Variants in SYCP2L observed in about 807,000 individuals in gnomAD.
SYCP2L encodes synaptonemal complex protein 2 like, also known as synaptonemal complex protein 2-like.
SYCP2L carries 98 observed loss-of-function variants against 125.8 expected under a neutral mutation model. The observed-to-expected ratio is 0.78, with a 90% CI of 0.66 to 0.92. The LOEUF is 0.92. Among genes scored for constraint, SYCP2L ranks in the 40% least tolerant of loss-of-function variants. The probability of loss-of-function intolerance (pLI) is 0.00; values close to 1 mark genes in which losing one functional copy is unlikely to be tolerated. For synonymous variants in SYCP2L, 317 were observed against 325.4 expected, an observed-to-expected ratio of 0.97 and a Z score of 0.28; for missense variants, 842 against 936.4, an observed-to-expected ratio of 0.90 and a Z score of 1.32.
At chr6:10,958,940 T>G in intron 26 of SYCP2L, 65 bp downstream of exon 26, 5 of 1,388,744 alleles carry the variant, frequency 3.6e-6, no homozygotes, top group Non-Finnish European at 4.1e-6. Context: ...GTTTATCTCA[T>G]GACCACTGTG....
intron 23 of SYCP2L, among the ~76,000 whole-genome samples, chr6:10,948,379 A>C (rs1781353318): frequency 6.6e-6 from 1 of 152,102 alleles, no homozygotes. Flanking sequence ...CCACCCTTCT[A>C]TGCTAAGTGA....
chr6:10,914,078 C>A (rs565041897), intron 14 of SYCP2L, among the ~76,000 whole-genome samples: 1 of 152,270 alleles, frequency 6.6e-6, no homozygotes, highest in Non-Finnish European at 1.5e-5. Flanking sequence ...GGTGATCCGT[C>A]CACCTTGGCC....
chr6:10,918,747 GA>G (rs1561687131), intron 14 of SYCP2L, among the ~76,000 whole-genome samples: 1 of 152,092 alleles, frequency 6.6e-6, no homozygotes, highest in African/African-American at 2.4e-5. Context: ...TGTTGGCCAG[GA>G]TGGTCTCAAT....
Position 10,906,183 on chromosome 6 carries a change from A to T in SYCP2L, c.676+129A>T, listed in dbSNP as rs1441376411. On this transcript the variant is annotated intron_variant, in intron 9 of 29. Transcript: ENST00000283141. ...GATAGGAATCAGGGTTTTATTTTAA[A>T]TTTATTTTGAGAGATTTTAGCATGC... The T allele has an allele frequency of 1.6e-5, 9 of 548,050 alleles. No homozygotes were observed. The Admixed American group carries it at 1.7e-4, about 11-fold the overall frequency. 33.9% of individuals were successfully genotyped at this position (548,050 alleles called of 1,614,324 possible).
At chr6:10,923,175 A>G (rs1207883587) in intron 14 of SYCP2L, among the ~76,000 whole-genome samples, 2 of 151,798 alleles carry the variant, frequency 1.3e-5, no homozygotes, top group Non-Finnish European at 2.9e-5. Context: ...ATTTGTGGCC[A>G]TTAGCTTTGC....
intron 23 of SYCP2L, among the ~76,000 whole-genome samples, chr6:10,949,304 A>G (rs1781368563): frequency 6.6e-6 from 1 of 152,102 alleles, no homozygotes; most frequent in Admixed American, 6.6e-5. Context: ...ACATTTTGAT[A>G]TTAGTGCTTT....
At chr6:10,967,544 C>T (rs1238773982) in intron 29 of SYCP2L, among the ~76,000 whole-genome samples, 2 of 149,320 alleles carry the variant, frequency 1.3e-5, no homozygotes, top group Admixed American at 6.7e-5. Flanking sequence ...GGATATCATA[C>T]ATGCAAGGAT....
At chr6:10,931,645 A>G (rs1780997972) in intron 20 of SYCP2L, among the ~76,000 whole-genome samples, 156 bp downstream of exon 20, 9 of 152,224 alleles carry the variant, frequency 5.9e-5, no homozygotes. Flanking sequence ...TAAATGTTTA[A>G]TATGACTCTT....
intron 1 of SYCP2L, among the ~76,000 whole-genome samples, chr6:10,889,768 G>T (rs561323783): frequency 2.0e-5 from 3 of 152,180 alleles, no homozygotes; most frequent in South Asian, 4.2e-4. Flanking sequence ...TTACAGGCAT[G>T]CGCCACCCTG....
Position 10,912,588 on chromosome 6 carries a change from A to G in SYCP2L, c.919-85A>G. 1 of 1,000,046 alleles carries G rather than the reference A, an allele frequency of 1.0e-6. No individual in the cohort carries two copies. The highest frequency in any genetic ancestry group is 2.4e-5 in the East Asian group (1 of 41,016). 61.9% of individuals were successfully genotyped at this position (1,000,046 alleles called of 1,614,324 possible). On this transcript the variant is annotated intron_variant, in intron 12 of 29. Coordinates refer to ENST00000283141, the MANE Select transcript of SYCP2L (RefSeq NM_001040274.3). This position sits in a 1 kb window ranked among gnomAD's most constrained non-coding sequence, Gnocchi z 4.1. ...TAATGCTGTTCCAGGAAGAGCACAA[A>G]TTCTATTTTCAAGGGAATAATGTTT...
intron 6 of SYCP2L, 100 bp downstream of exon 6, chr6:10,898,948 T>A: frequency 1.3e-6 from 1 of 791,040 alleles, no homozygotes; most frequent in Non-Finnish European, 2.1e-6. Context: ...AAAGTGAGTT[T>A]AAACATTTTA....
intron 21 of SYCP2L, among the ~76,000 whole-genome samples, chr6:10,940,909 C>T (rs1781205800): frequency 6.6e-6 from 1 of 152,080 alleles, no homozygotes; most frequent in Non-Finnish European, 1.5e-5. Flanking sequence ...GGAAGAATCC[C>T]TGCCCGTGTT....
chr6:10,973,379 G>T (rs367740918), intron 29 of SYCP2L, among the ~76,000 whole-genome samples: 8 of 152,088 alleles, frequency 5.3e-5, no homozygotes, highest in Non-Finnish European at 1.2e-4. Context: ...CTAAAAATAC[G>T]AAAATTAGCT....
Position 10,887,138 on chromosome 6 carries a change from G to C in SYCP2L, c.9+3G>C. The C allele has an allele frequency of 1.2e-6, 2 of 1,614,148 alleles. No individual in the cohort carries two copies. Among genetic ancestry groups the C allele is most frequent in the Non-Finnish European group, 1.7e-6 (2 of 1,179,976 alleles). On this transcript the variant is annotated splice_donor_region_variant and intron_variant, in intron 1 of 29. Transcript: ENST00000283141. ...GAAGAAGCCTCGTTATGCAAGCGGT[G>C]AGTGACCCCCGAAGGGCCCGGACCT... is the stretch of plus-strand genomic sequence containing the variant.
chr6:10,918,487 CTTTGTT>C (rs1451662781), intron 14 of SYCP2L, among the ~76,000 whole-genome samples: 1 of 151,740 alleles, frequency 6.6e-6, no homozygotes, highest in Non-Finnish European at 1.5e-5. Context: ...TTTTCTTTGT[CTTTGTT>C]GTATTGGGTG....
intron 25 of SYCP2L, among the ~76,000 whole-genome samples, chr6:10,958,503 G>A (rs926677979): frequency 2.6e-5 from 4 of 152,086 alleles, no homozygotes; most frequent in Admixed American, 1.3e-4. Context: ...TTCCAGTATC[G>A]GGGATTACAT....
At chr6:10,906,108 GT>G in intron 9 of SYCP2L, 54 bp downstream of exon 9, 3 of 1,038,912 alleles carry the variant, frequency 2.9e-6, no homozygotes, top group Non-Finnish European at 1.5e-6. Context: ...GACACTGGGG[GT>G]TTTATGAGCA....
At chr6:10,907,505 C>T (rs1176095259) in intron 9 of SYCP2L, 37 bp from the exon 10 acceptor site, 1 of 1,571,646 alleles carries the variant, frequency 6.4e-7, no homozygotes. Flanking sequence ...GCTTTGTGCC[C>T]AGAATTATCT....
At chr6:10,951,415 C>T (rs138797498) in intron 23 of SYCP2L, among the ~76,000 whole-genome samples, 259 of 152,088 alleles carry the variant, frequency 1.7e-3, no homozygotes, top group Middle Eastern at 3.4e-3. Context: ...AAAGCAAGAC[C>T]CTGTCTCAAA....
Sources: allele counts gnomAD v4.1 joint callset (sites outside exome capture counted in the v4.1 genomes callset), GRCh38; gene constraint gnomAD v4.1.1; non-coding constraint Gnocchi (gnomAD v3.1); transcripts MANE v1.5; gene names NCBI Gene and HGNC (gene_info 2026-07-23, HGNC 2026-07-21).